The following SSBP1 variants were observed in gnomAD, a reference collection of about 807,000 sequenced individuals.
SSBP1 encodes the protein single stranded DNA binding protein 1, also known as single-stranded DNA-binding protein, mitochondrial.
In SSBP1, 20 loss-of-function variants were observed where a neutral mutation model predicts 27.0. That is an observed-to-expected ratio of 0.74 (90% CI 0.52 to 1.08). The LOEUF is 1.08. SSBP1 is among the 50% of genes least tolerant of loss of function. The pLI is 0.00. For missense variants in SSBP1, 137 were observed against 182.4 expected, an observed-to-expected ratio of 0.75 and a Z score of 1.44; for synonymous variants, 59 against 59.3, an observed-to-expected ratio of 1.00 and a Z score of 0.02.
chr7:141,750,218 A>G (rs1799912450), intron 6 of SSBP1, 93 bp from the exon 7 acceptor site: 1 of 880,246 alleles, frequency 1.1e-6, no homozygotes, highest in African/African-American at 1.7e-5. Flanking sequence ...CTTTTAATGA[A>G]CAGCACTAAA....
In SSBP1 at chr7:141,742,330, A is replaced by G. The variant is rs1014788048; in HGVS notation, c.85+101A>G. On this transcript the variant is annotated intron_variant, in intron 3 of 6. Transcript: ENST00000265304. ...TGCTGCTTGGGTTAACCATGTTGCC[A>G]TTGTGCTTTTAGCTCATGTTTGCTC... 4.7e-6 allele frequency: 4 copies of G among 851,072 alleles called. No homozygotes were observed. The Admixed American group carries it at 6.0e-5, about 13-fold the overall frequency. The allele number at this position is 851,072 out of a possible 1,614,324, so 52.7% of individuals were successfully genotyped here. A position where few individuals can be genotyped will look rare whatever the true frequency, so the allele number is the denominator to read the frequency against.
Position 141,748,469 on chromosome 7 carries a change from G to C in SSBP1, c.404-1842G>C, listed in dbSNP as rs117275716. 0.012 allele frequency among the ~76,000 whole-genome samples: 1,775 copies of C among 152,182 alleles called. 67 individuals carry two copies. In the South Asian group the frequency reaches 0.15, roughly 13 times the overall value. The stretch of plus-strand genomic sequence containing the variant: ...TTATTAATAATTTATAATTTGTATA[G>C]AATGCTCACATGGTTTCTTACTGCT... On this transcript the variant is annotated intron_variant, in intron 6 of 6. Transcript: ENST00000265304.
intron 6 of SSBP1, among the ~76,000 whole-genome samples, chr7:141,749,258 T>A (rs1310604953): frequency 6.6e-6 from 1 of 152,216 alleles, no homozygotes; most frequent in African/African-American, 2.4e-5. Context: ...GTGATTACTA[T>A]ACCATTTTAT....
In SSBP1 at chr7:141,743,708, A is replaced by G. The variant is rs1174829841; in HGVS notation, c.226+7A>G. ...AGTGAAGTTTACCAACTGGGTGAGT[A>G]CAAAAGACTGGGGTTTTAATTTTAT... On this transcript the variant is annotated splice_region_variant and intron_variant, in intron 4 of 6. Coordinates refer to ENST00000265304, the MANE Select transcript of SSBP1 (RefSeq NM_003143.3). The G allele has an allele frequency of 1.9e-6, 3 of 1,612,714 alleles. No homozygotes were observed. Among genetic ancestry groups the G allele is most frequent in the African/African-American group, 1.3e-5 (1 of 74,844 alleles).
rs1232362813 is a variant in SSBP1 at position 141,748,849 on chromosome 7, T to C, written c.404-1462T>C. On this transcript the variant is annotated intron_variant, in intron 6 of 6. Transcript: ENST00000265304. The stretch of plus-strand genomic sequence containing the variant: ...TCTGTAACTAAAAAACCACCACCAG[T>C]GGATGGCACTCTTGGCTTTTTCCAC... Among the ~76,000 whole-genome samples, 4 of 152,304 alleles carry C rather than the reference T, an allele frequency of 2.6e-5. No individual in the cohort carries two copies. In the South Asian group the frequency reaches 6.2e-4, roughly 24 times the overall value.
intron 5 of SSBP1, 25 bp downstream of exon 5, chr7:141,744,014 A>C: frequency 6.3e-7 from 1 of 1,589,318 alleles, no homozygotes; most frequent in Non-Finnish European, 8.6e-7. Context: ...GAAGGATCTT[A>C]TGAATTGAAT....
chr7:141,747,383 A>ATTTTT (rs1320451586), intron 6 of SSBP1, among the ~76,000 whole-genome samples: 16 of 94,466 alleles, frequency 1.7e-4, no homozygotes, highest in South Asian at 1.2e-3. Flanking sequence ...CCCAAATTAG[A>ATTTTT]TTTTTTTTTT....
chr7:141,740,398 A>T (rs190243728), intron 2 of SSBP1: 1 of 152,314 alleles, frequency 6.6e-6, no homozygotes, highest in East Asian at 1.9e-4. Context: ...CCATCTTTAC[A>T]GGAGCTCTTG....
intron 5 of SSBP1, 70 bp downstream of exon 5, chr7:141,744,059 A>G: frequency 7.2e-7 from 1 of 1,387,940 alleles, no homozygotes; most frequent in Non-Finnish European, 9.9e-7. Context: ...TTCTCATGGC[A>G]AGGAGTGTGT....
At chr7:141,749,811 A>T (rs1331945935) in intron 6 of SSBP1, among the ~76,000 whole-genome samples, 2 of 152,216 alleles carry the variant, frequency 1.3e-5, no homozygotes, top group Non-Finnish European at 2.9e-5. Flanking sequence ...CTGTATTGTA[A>T]TTTAAAAATA....
At chr7:141,742,322 A>T in intron 3 of SSBP1, 93 bp downstream of exon 3, 1 of 919,206 alleles carries the variant, frequency 1.1e-6, no homozygotes, top group Non-Finnish European at 1.7e-6. Flanking sequence ...TGGGTTAACC[A>T]TGTTGCCATT....
At chr7:141,738,788 G>T (rs920520498) in intron 1 of SSBP1, 2 of 184,764 alleles carry the variant, frequency 1.1e-5, no homozygotes, top group Non-Finnish European at 2.2e-5. Context: ...GAAAATGGCA[G>T]TGAATAAAGC....
chr7:141,745,897 G>A, intron 6 of SSBP1: 1 of 1,069,582 alleles, frequency 9.3e-7, no homozygotes, highest in Non-Finnish European at 1.1e-6. Flanking sequence ...CTTTTGGAAG[G>A]ATCTAGCCCT....
At chr7:141,749,830 T>C (rs1352936878) in intron 6 of SSBP1, among the ~76,000 whole-genome samples, 1 of 152,228 alleles carries the variant, frequency 6.6e-6, no homozygotes, top group Non-Finnish European at 1.5e-5. Flanking sequence ...TAAAATTTCT[T>C]CTATTTGAAT....
chr7:141,746,193 G>C (rs1305831255), intron 6 of SSBP1: 1 of 159,526 alleles, frequency 6.3e-6, no homozygotes, highest in Non-Finnish European at 1.3e-5. Flanking sequence ...GCTAATTTTT[G>C]TAATTTTCGT....
At chr7:141,746,247 C>T (rs1013826386) in intron 6 of SSBP1, 2 of 152,724 alleles carry the variant, frequency 1.3e-5, no homozygotes, top group East Asian at 3.9e-4. Flanking sequence ...TCTTGAACTC[C>T]TGACCTCAGG....
At chr7:141,744,402 C>G (rs559563232) in intron 5 of SSBP1, among the ~76,000 whole-genome samples, 2 of 152,314 alleles carry the variant, frequency 1.3e-5, no homozygotes, top group African/African-American at 4.8e-5. Context: ...AGCAGAGGAT[C>G]TGGAATGTCT....
At chr7:141,745,066 A>G (rs974439582) in intron 5 of SSBP1, among the ~76,000 whole-genome samples, 3 of 152,238 alleles carry the variant, frequency 2.0e-5, no homozygotes, top group Admixed American at 6.5e-5. Context: ...ACTAACTACA[A>G]ATCCATATTT....
At chr7:141,748,251 G>A (rs1311989230) in intron 6 of SSBP1, among the ~76,000 whole-genome samples, 1 of 151,866 alleles carries the variant, frequency 6.6e-6, no homozygotes, top group Non-Finnish European at 1.5e-5. Flanking sequence ...TGTAACTACC[G>A]TGCTATTATC....
Sources: gnomAD v4.1 joint callset for allele counts (sites outside exome capture counted in the v4.1 genomes callset) on GRCh38, gnomAD v4.1.1 for gene constraint, MANE v1.5 for transcripts, NCBI Gene and HGNC (gene_info 2026-07-23, HGNC 2026-07-21) for gene names.